NACC2: variants seen among roughly 807,000 people sequenced by gnomAD.
The protein encoded by NACC2 is NACC family member 2, also known as nucleus accumbens-associated protein 2.
In NACC2, 8 loss-of-function variants were observed where a neutral mutation model predicts 25.1. That is an observed-to-expected ratio of 0.32 (90% CI 0.19 to 0.57). NACC2 has a LOEUF of 0.57. Among genes scored for constraint, NACC2 ranks in the 20% least tolerant of loss-of-function variants. NACC2 has a pLI of 0.89. For synonymous variants in NACC2, 435 were observed against 294.7 expected (o/e 1.48, Z -4.88); for missense variants, 644 against 650.2 (o/e 0.99, Z 0.10).
rs751580569 is a variant in NACC2, at chr9:136,016,364, C to T, written c.952G>A (p.Val318Met). ...CTGATGAGGCTGGCAGGTAGGGCCA[C>T]GAGGTCGCGGCGGATGAGGACGCAG... Reference protein sequence around the residue: ...RSCVLIRRDLVALPASLISQI... With the variant: ...RSCVLIRRDLMALPASLISQI... The change falls in exon 3 of 6, where the codon GTG becomes ATG. Residue 318 changes from valine to methionine, a missense_variant. By Grantham distance (21) the Val-to-Met change is conservative. Transcript: ENST00000277554. The T allele has an allele frequency of 4.3e-5, 69 of 1,611,854 alleles. 1 individual carries two copies. In the South Asian group the frequency reaches 5.6e-4, roughly 13 times the overall value.
chr9:136,094,524 G>A (rs1359200055), intron 1 of NACC2, among the ~76,000 whole-genome samples: 1 of 152,120 alleles, frequency 6.6e-6, no homozygotes, highest in African/African-American at 2.4e-5. Context: ...AGAAGGAGCT[G>A]GGGCCCCCCG....
At chr9:136,057,686 C>T (rs13302142) in intron 1 of NACC2, among the ~76,000 whole-genome samples, 37,825 of 152,234 alleles carry the variant, frequency 0.25, 4,971 homozygotes, top group East Asian at 0.42. Context: ...GTCTCCCCTG[C>T]ACCGGCTCGG....
chr9:136,023,952 C>T (rs887646802), intron 2 of NACC2, among the ~76,000 whole-genome samples: 1 of 152,230 alleles, frequency 6.6e-6, no homozygotes, highest in Non-Finnish European at 1.5e-5. Flanking sequence ...CACAAATGCA[C>T]AACCCCCCCC....
intron 2 of NACC2, among the ~76,000 whole-genome samples, chr9:136,024,910 C>T (rs1840364601): frequency 1.3e-5 from 2 of 152,174 alleles, no homozygotes; most frequent in Non-Finnish European, 1.5e-5. Flanking sequence ...CCGGGAGCCT[C>T]GGGGCCCAGG....
At chr9:136,076,940 G>A (rs4842105) in intron 1 of NACC2, among the ~76,000 whole-genome samples, 31,695 of 151,258 alleles carry the variant, frequency 0.21, 3,652 homozygotes, top group East Asian at 0.4. Context: ...CAGGAGGCAG[G>A]GCCTGCAGTG....
At chr9:136,056,650 G>C (rs1261883020) in intron 1 of NACC2, among the ~76,000 whole-genome samples, 1 of 152,250 alleles carries the variant, frequency 6.6e-6, no homozygotes, top group Non-Finnish European at 1.5e-5. Context: ...GGGTCACAGA[G>C]GTACGGGGGG....
rs1830378412 is a variant in NACC2 at position 136,086,323 on chromosome 9, TTGGGGGG to T, written c.-60+8859_-60+8865del. On this transcript the variant is annotated intron_variant, in intron 1 of 5. Transcript: ENST00000277554. The surrounding 1 kb of genome is among the most constrained non-coding windows in gnomAD (Gnocchi z 5.6). ...CCTCCCACTCAGAGCTGGGAGGGGT[TTGGGGGG>T]TGGGGGTGCCTCTGTTTTCCTGCAT... 6.6e-6 allele frequency among the ~76,000 whole-genome samples: 1 copy of T among 151,970 alleles called. No homozygotes were observed. The highest frequency in any genetic ancestry group is 1.5e-5 in the Non-Finnish European group (1 of 67,944).
chr9:136,094,718 C>G (rs897659321), intron 1 of NACC2, among the ~76,000 whole-genome samples: 1 of 151,554 alleles, frequency 6.6e-6, no homozygotes, highest in Non-Finnish European at 1.5e-5. Context: ...CAGGCAGCTG[C>G]GCAGATGCGC....
chr9:136,078,096 G>A (rs1043781884), intron 1 of NACC2, among the ~76,000 whole-genome samples: 2 of 152,326 alleles, frequency 1.3e-5, no homozygotes, highest in Non-Finnish European at 2.9e-5. Flanking sequence ...TAATCACGAG[G>A]TTTGCCGTAC....
At position 136,013,825 on chromosome 9, in the gene NACC2, A is replaced by G; in HGVS notation, c.1157+39T>C. The G allele has an allele frequency of 6.4e-7, 1 of 1,555,556 alleles. No homozygotes were observed. Among genetic ancestry groups the G allele is most frequent in the Non-Finnish European group, 8.8e-7 (1 of 1,130,350 alleles). The stretch of plus-strand genomic sequence containing the variant: ...AGCTAAAGGAGCCAGAACCCTCCGC[A>G]GCTCCATTGTGCCCTCCAGCACTCC... On this transcript the variant is annotated intron_variant, in intron 4 of 5. Transcript: ENST00000277554. The surrounding 1 kb of genome is among the most constrained non-coding windows in gnomAD (Gnocchi z 6.6).
chr9:136,061,060 C>T (rs1005900807), intron 1 of NACC2, among the ~76,000 whole-genome samples: 4 of 152,158 alleles, frequency 2.6e-5, no homozygotes, highest in African/African-American at 9.7e-5. Flanking sequence ...CTGGAACGGA[C>T]GGACGCCCCC....
Position 136,095,177 on chromosome 9 carries a change from A to T in NACC2, c.-60+12T>A, listed in dbSNP as rs1830477860. The T allele has an allele frequency of 6.8e-6, 1 of 146,372 alleles. No individual in the cohort carries two copies. The highest frequency in any genetic ancestry group is 1.5e-5 in the Non-Finnish European group (1 of 65,768). The allele number at this position is 146,372 out of a possible 1,614,324, so 9.1% of individuals were successfully genotyped here. On this transcript the variant is annotated intron_variant, in intron 1 of 5. Transcript: ENST00000277554. ...AACCCGGGGGCGGCCGCGCGCGCCAAGTTGGCGGTACCTGCGGGCGCCCGG... is the reference window on the plus strand; with the variant it reads ...AACCCGGGGGCGGCCGCGCGCGCCATGTTGGCGGTACCTGCGGGCGCCCGG...
chr9:136,092,185 G>A (rs1036137547), intron 1 of NACC2, among the ~76,000 whole-genome samples: 3 of 152,220 alleles, frequency 2.0e-5, no homozygotes, highest in African/African-American at 4.8e-5. Context: ...GACCAAGGGC[G>A]TGCCCAGAGA....
rs1830378518 is a variant in NACC2 at position 136,086,330 on chromosome 9, G to T, written c.-60+8859C>A. Among the ~76,000 whole-genome samples, 1 of 152,204 alleles carries T rather than the reference G, an allele frequency of 6.6e-6. No individual in the cohort carries two copies. The highest frequency in any genetic ancestry group is 1.5e-5 in the Non-Finnish European group (1 of 68,034). ...CTCAGAGCTGGGAGGGGTTTGGGGG[G>T]TGGGGGTGCCTCTGTTTTCCTGCAT... On this transcript the variant is annotated intron_variant, in intron 1 of 5. Coordinates refer to ENST00000277554, the MANE Select transcript of NACC2 (RefSeq NM_144653.5). This position sits in a 1 kb window ranked among gnomAD's most constrained non-coding sequence, Gnocchi z 5.6.
intron 2 of NACC2, among the ~76,000 whole-genome samples, chr9:136,046,948 G>A (rs986000958): frequency 6.6e-5 from 10 of 152,184 alleles, no homozygotes; most frequent in African/African-American, 1.9e-4. Flanking sequence ...GGTTCTTAAC[G>A]CGAGAGAGGG....
chr9:136,069,186 G>A (rs571013902), intron 1 of NACC2, among the ~76,000 whole-genome samples: 7 of 146,546 alleles, frequency 4.8e-5, no homozygotes, highest in East Asian at 1.9e-4. Context: ...GATCATAGGC[G>A]TGAACTGCCG....
At chr9:136,017,728 C>T (rs572894695) in intron 2 of NACC2, among the ~76,000 whole-genome samples, 6 of 152,338 alleles carry the variant, frequency 3.9e-5, no homozygotes, top group South Asian at 2.1e-4. Context: ...GGCGGAGCAC[C>T]GCCTCCCTCA....
At chr9:136,090,598 C>A (rs1490159329) in intron 1 of NACC2, among the ~76,000 whole-genome samples, 2 of 152,370 alleles carry the variant, frequency 1.3e-5, no homozygotes, top group African/African-American at 4.8e-5. Flanking sequence ...CCCCAGGCAG[C>A]TCTGGCCAAC....
intron 1 of NACC2, among the ~76,000 whole-genome samples, chr9:136,087,505 G>T (rs888023063): frequency 5.9e-5 from 9 of 152,346 alleles, no homozygotes; most frequent in Admixed American, 2.6e-4. Context: ...TGGAAGGGAG[G>T]GCGACAGAGC....
Sources: allele counts gnomAD v4.1 joint callset (sites outside exome capture counted in the v4.1 genomes callset), GRCh38; gene constraint gnomAD v4.1.1; non-coding constraint Gnocchi (gnomAD v3.1); transcripts MANE v1.5; gene names NCBI Gene and HGNC (gene_info 2026-07-23, HGNC 2026-07-21).